ARHGAP15: variants seen among roughly 807,000 people sequenced by gnomAD.
ARHGAP15 encodes the protein Rho GTPase activating protein 15, also known as rho GTPase-activating protein 15.
A neutral mutation model predicts 63.7 loss-of-function variants in ARHGAP15; 51 were observed. That is an observed-to-expected ratio of 0.80 (90% CI 0.64 to 1.01). The LOEUF is 1.01. Ranked by LOEUF, ARHGAP15 falls within the 50% of genes least tolerant of loss-of-function variation. The pLI is 0.00. For missense variants in ARHGAP15, 560 were observed against 564.6 expected, an observed-to-expected ratio of 0.99 and a Z score of 0.08; for synonymous variants, 191 against 193.8, an observed-to-expected ratio of 0.99 and a Z score of 0.12.
chr2:143,715,629 T>G (rs1559141224), intron 13 of ARHGAP15, among the ~76,000 whole-genome samples: 1 of 152,228 alleles, frequency 6.6e-6, no homozygotes, highest in Non-Finnish European at 1.5e-5. Context: ...TAGACCTTTG[T>G]CAGATGCAGA....
intron 2 of ARHGAP15, among the ~76,000 whole-genome samples, chr2:143,197,967 T>TACACACACACAC (rs5834941): frequency 6.7e-6 from 1 of 148,496 alleles, no homozygotes; most frequent in African/African-American, 2.5e-5. Context: ...AGTGACTGCC[T>TACACACACACAC]ACACACACAC....
At position 143,681,747 on chromosome 2, in the gene ARHGAP15, C is replaced by T. The variant is rs1055163507; in HGVS notation, c.1139-21672C>T. On this transcript the variant is annotated intron_variant, in intron 12 of 13. Coordinates refer to ENST00000295095, the MANE Select transcript of ARHGAP15 (RefSeq NM_018460.4). ...CCAATTTACCTGCAAGAATTTTTCACTCTAAGATTACAGAAATTAACACAG... is the reference window on the plus strand; with the variant it reads ...CCAATTTACCTGCAAGAATTTTTCATTCTAAGATTACAGAAATTAACACAG... 6.6e-5 allele frequency among the ~76,000 whole-genome samples: 10 copies of T among 152,174 alleles called. 1 individual carries two copies. Among genetic ancestry groups the T allele is most frequent in the African/African-American group, 1.9e-4 (8 of 41,448 alleles).
At position 143,372,984 on chromosome 2, in the gene ARHGAP15, TAAA is replaced by T. The variant is rs34460482; in HGVS notation, c.475-62601_475-62599del. ...AAATGTTAACCATCCTCTCTCCTCT[TAAA>T]AAAAAAAAAAAAAAATCTAGTGAGG... On this transcript the variant is annotated intron_variant, in intron 6 of 13. Coordinates refer to ENST00000295095, the MANE Select transcript of ARHGAP15 (RefSeq NM_018460.4). Among the ~76,000 whole-genome samples, 261 of 136,692 alleles carry T rather than the reference TAAA, an allele frequency of 1.9e-3. 3 individuals carry two copies. Among genetic ancestry groups the T allele is most frequent in the South Asian group, 0.013 (55 of 4,270 alleles). 89.7% of individuals were successfully genotyped at this position (136,692 alleles called of 152,430 possible).
Position 143,304,901 on chromosome 2 carries a change from T to A in ARHGAP15, c.474+54301T>A, listed in dbSNP as rs568240621. Among the ~76,000 whole-genome samples, 9 of 152,134 alleles carry A rather than the reference T, an allele frequency of 5.9e-5. 1 individual carries two copies. In the East Asian group the frequency reaches 1.6e-3, roughly 26 times the overall value. On this transcript the variant is annotated intron_variant, in intron 6 of 13. Transcript: ENST00000295095. ...TGGGAGTGTAAATTAGTTCAACCAT[T>A]GTGGGAGACAGTGTGGCAATTCCTC...
At chr2:143,467,242 C>CTTTTTTTTTTTTTTTTTTTTTTTTTGT (rs202115707) in intron 8 of ARHGAP15, among the ~76,000 whole-genome samples, 1 of 57,894 alleles carries the variant, frequency 1.7e-5, no homozygotes, top group Non-Finnish European at 3.0e-5. Flanking sequence ...ACTCCATGGC[C>CTTTTTTTTTTTTTTTTTTTTTTTTTGT]TTTTTTTTTT....
At chr2:143,330,192 C>A (rs4008340) in intron 6 of ARHGAP15, among the ~76,000 whole-genome samples, 94,292 of 143,548 alleles carry the variant, frequency 0.66, 32,255 homozygotes, top group African/African-American at 0.86. Context: ...GCATTAACTT[C>A]AATGTTTAGT....
chr2:143,358,166 G>C (rs1372387212), intron 6 of ARHGAP15, among the ~76,000 whole-genome samples: 2 of 152,190 alleles, frequency 1.3e-5, no homozygotes, highest in African/African-American at 4.8e-5. Context: ...GGGAGCAGAT[G>C]GTGAGCCAAT....
intron 6 of ARHGAP15, among the ~76,000 whole-genome samples, chr2:143,372,197 C>T (rs1227804707): frequency 1.3e-5 from 2 of 151,358 alleles, no homozygotes; most frequent in Non-Finnish European, 2.9e-5. Flanking sequence ...AAAAAAATAG[C>T]CAGGCATGGT....
At chr2:143,472,006 A>G (rs1691600268) in intron 8 of ARHGAP15, 1 of 152,174 alleles carries the variant, frequency 6.6e-6, no homozygotes, top group African/African-American at 2.4e-5. Context: ...TTCTCCCCAG[A>G]GCTGACATTC....
At chr2:143,688,363 G>C (rs1683443502) in intron 12 of ARHGAP15, among the ~76,000 whole-genome samples, 3 of 152,094 alleles carry the variant, frequency 2.0e-5, no homozygotes, top group African/African-American at 7.2e-5. Flanking sequence ...TTGTTTTCTA[G>C]CAAACTCCAG....
intron 5 of ARHGAP15, among the ~76,000 whole-genome samples, chr2:143,242,522 A>G (rs377749414): frequency 6.6e-5 from 10 of 152,358 alleles, no homozygotes; most frequent in African/African-American, 2.2e-4. Context: ...TCATTTCTTG[A>G]AAAGTGTAGA....
intron 10 of ARHGAP15, among the ~76,000 whole-genome samples, chr2:143,549,867 G>A (rs1027731301): frequency 6.6e-6 from 1 of 152,106 alleles, no homozygotes; most frequent in Admixed American, 6.6e-5. Flanking sequence ...TTTATCCTGC[G>A]AGACACTCCA....
chr2:143,273,532 A>G (rs189482444), intron 6 of ARHGAP15, among the ~76,000 whole-genome samples: 6 of 152,300 alleles, frequency 3.9e-5, no homozygotes, highest in Admixed American at 1.3e-4. Context: ...AAAATGTTCA[A>G]CCTAACTCTA....
At chr2:143,480,099 A>G (rs1692005684) in intron 8 of ARHGAP15, among the ~76,000 whole-genome samples, 1 of 152,206 alleles carries the variant, frequency 6.6e-6, no homozygotes, top group Non-Finnish European at 1.5e-5. Flanking sequence ...CACTATAGAA[A>G]TACATTATCA....
At chr2:143,249,701 C>T (rs1680052015) in intron 5 of ARHGAP15, among the ~76,000 whole-genome samples, 1 of 152,030 alleles carries the variant, frequency 6.6e-6, no homozygotes, top group South Asian at 2.1e-4. Flanking sequence ...GTATGATTAA[C>T]TTGAATCAAG....
At chr2:143,163,501 G>T (rs1236965089) in intron 2 of ARHGAP15, among the ~76,000 whole-genome samples, 1 of 151,704 alleles carries the variant, frequency 6.6e-6, no homozygotes, top group Non-Finnish European at 1.5e-5. Context: ...TATGTTCCAG[G>T]AGAAAATAAT....
chr2:143,617,061 G>C (rs538210869), intron 11 of ARHGAP15, among the ~76,000 whole-genome samples: 2 of 152,320 alleles, frequency 1.3e-5, no homozygotes, highest in Admixed American at 1.3e-4. Context: ...ACACTGGAGA[G>C]TATTCTGCAT....
intron 13 of ARHGAP15, among the ~76,000 whole-genome samples, chr2:143,710,344 A>C (rs938497313): frequency 6.6e-6 from 1 of 152,160 alleles, no homozygotes; most frequent in African/African-American, 2.4e-5. Context: ...CCTGGTAGTT[A>C]AGAAAATTAA....
intron 13 of ARHGAP15, among the ~76,000 whole-genome samples, chr2:143,748,033 GA>G (rs1211950599): frequency 6.6e-6 from 1 of 152,152 alleles, no homozygotes; most frequent in Non-Finnish European, 1.5e-5. Flanking sequence ...GGCAACGTGA[GA>G]GCAATTAATT....
Sources: gnomAD v4.1 joint callset for allele counts (sites outside exome capture counted in the v4.1 genomes callset) on GRCh38, gnomAD v4.1.1 for gene constraint, MANE v1.5 for transcripts, NCBI Gene and HGNC (gene_info 2026-07-23, HGNC 2026-07-21) for gene names.